Variants in PPARGC1A observed in about 807,000 individuals in gnomAD.
The protein encoded by PPARGC1A is peroxisome proliferator-activated receptor gamma coactivator 1-alpha.
PPARGC1A carries 25 observed loss-of-function variants against 88.7 expected under a neutral mutation model. The ratio of observed to expected loss-of-function variants is 0.28; its 90% CI spans 0.21 to 0.39. The LOEUF is 0.39. Among genes scored for constraint, PPARGC1A ranks in the 10% least tolerant of loss-of-function variants. PPARGC1A has a pLI of 1.00. For missense variants in PPARGC1A, 880 were observed against 968.7 expected (o/e 0.91, Z 1.22); for synonymous variants, 363 against 355.6 (o/e 1.02, Z -0.24).
At chr4:24,161,382 T>C in the PPARGC1A span, among the ~76,000 whole-genome samples, 3 of 152,194 alleles carry the variant, frequency 2.0e-5, no homozygotes, top group Non-Finnish European at 2.9e-5. Context: ...AGGTTTCCCA[T>C]GGAAGGAGCC....
the PPARGC1A span, among the ~76,000 whole-genome samples, chr4:24,217,986 G>A: frequency 3.3e-5 from 5 of 152,156 alleles, no homozygotes; most frequent in African/African-American, 1.2e-4. Flanking sequence ...TTTTAAAATT[G>A]TTAAAATAAA....
chr4:24,027,196 A>AGTGTGTGTGTGTGTGT, the PPARGC1A span, among the ~76,000 whole-genome samples: 7,414 of 131,604 alleles, frequency 0.056, 286 homozygotes, highest in Non-Finnish European at 0.082. Context: ...ACCTCAGGCT[A>AGTGTGTGTGTGTGTGT]GTGTGTGTGT....
At chr4:24,002,665 CACAA>C in the PPARGC1A span, among the ~76,000 whole-genome samples, 1 of 147,560 alleles carries the variant, frequency 6.8e-6, no homozygotes, top group African/African-American at 2.5e-5. Flanking sequence ...TCCACAAAAA[CACAA>C]ACAAAAAGAA....
the PPARGC1A span, among the ~76,000 whole-genome samples, chr4:23,971,716 C>A: frequency 3.3e-5 from 5 of 152,122 alleles, no homozygotes; most frequent in Non-Finnish European, 7.3e-5. Context: ...CCTTTCCCAG[C>A]GCACTGACTC....
intron 2 of PPARGC1A, among the ~76,000 whole-genome samples, chr4:23,867,274 C>A (rs149559793): frequency 6.6e-6 from 1 of 152,276 alleles, no homozygotes; most frequent in African/African-American, 2.4e-5. Flanking sequence ...ACTAGCCAAC[C>A]AACTCCTGAA....
the PPARGC1A span, among the ~76,000 whole-genome samples, chr4:24,178,407 A>C: frequency 6.6e-6 from 1 of 152,214 alleles, no homozygotes; most frequent in Non-Finnish European, 1.5e-5. Flanking sequence ...CTCAAATGAC[A>C]TCATAAACAT....
chr4:23,969,911 A>T, the PPARGC1A span, among the ~76,000 whole-genome samples: 1 of 152,140 alleles, frequency 6.6e-6, no homozygotes, highest in East Asian at 1.9e-4. Flanking sequence ...TTCTCCCGGG[A>T]TGGGGGAGGA....
chr4:24,186,427 C>T, the PPARGC1A span, among the ~76,000 whole-genome samples: 4 of 152,068 alleles, frequency 2.6e-5, no homozygotes, highest in Non-Finnish European at 5.9e-5. Flanking sequence ...TGGATCGGAC[C>T]ACCTGGGTTC....
the PPARGC1A span, among the ~76,000 whole-genome samples, chr4:24,176,078 C>A: frequency 6.6e-6 from 1 of 152,132 alleles, no homozygotes; most frequent in Non-Finnish European, 1.5e-5. Context: ...GCCTCTCTCC[C>A]AAAAAGAGCC....
the PPARGC1A span, chr4:24,258,285 A>ACACAAACTTACCCTCT: frequency 2.6e-6 from 2 of 771,348 alleles, no homozygotes; most frequent in Non-Finnish European, 3.1e-6. Flanking sequence ...GCAGAGGGTA[A>ACACAAACTTACCCTCT]GTTTGTGTTA....
upstream of PPARGC1A, chr4:23,904,177 C>T: frequency 3.1e-6 from 1 of 322,832 alleles, no homozygotes; most frequent in Non-Finnish European, 4.5e-6. Context: ...ATGAACTCCA[C>T]AATAGGGCAC....
chr4:24,073,812 C>A, the PPARGC1A span, among the ~76,000 whole-genome samples: 1 of 152,188 alleles, frequency 6.6e-6, no homozygotes, highest in Admixed American at 6.5e-5. Context: ...TAGCACTGCA[C>A]TGGCCTCTCC....
chr4:24,046,495 G>A, the PPARGC1A span, among the ~76,000 whole-genome samples: 1 of 152,046 alleles, frequency 6.6e-6, no homozygotes. Flanking sequence ...TGAATTTGGG[G>A]ACCCTTCCAT....
chr4:23,962,559 G>A, the PPARGC1A span, among the ~76,000 whole-genome samples: 1 of 152,206 alleles, frequency 6.6e-6, no homozygotes, highest in Non-Finnish European at 1.5e-5. Flanking sequence ...TCCAAACTGG[G>A]TGTTGGAAAC....
In PPARGC1A at chr4:23,813,782, A is replaced by G. The variant is rs766909844; in HGVS notation, c.1701T>C (p.Ser567=). 1.9e-6 allele frequency: 3 copies of G among 1,613,546 alleles called. No homozygotes were observed. The highest frequency in any genetic ancestry group is 2.2e-5 in the East Asian group (1 of 44,864). ...LFSQRPQRMR[S]RSRSFSRHRS... ...TGTGTCGAGAAAAGGACCTTGAACG[A>G]GAGCGCATCCTTTGGGGTCTTTGAG... The change falls in exon 8 of 13, where the codon TCT becomes TCC. Residue 567 remains serine, a synonymous_variant. Transcript: ENST00000264867.
chr4:23,820,318 C>G (rs1321081268), intron 7 of PPARGC1A: 1 of 152,338 alleles, frequency 6.6e-6, no homozygotes, highest in African/African-American at 2.4e-5. Flanking sequence ...ATATTTTTTG[C>G]TCTTCTCATT....
chr4:24,250,108 T>C, the PPARGC1A span, among the ~76,000 whole-genome samples: 1 of 152,154 alleles, frequency 6.6e-6, no homozygotes, highest in Non-Finnish European at 1.5e-5. Context: ...AGGAGACTGG[T>C]TGTCTCTAGA....
chr4:24,336,032 A>G, the PPARGC1A span, among the ~76,000 whole-genome samples: 1 of 152,008 alleles, frequency 6.6e-6, no homozygotes, highest in Non-Finnish European at 1.5e-5. Flanking sequence ...TTTCTCTTCT[A>G]TTTCTTCACT....
upstream of PPARGC1A, chr4:23,899,370 C>G (rs1476126254): frequency 2.6e-5 from 4 of 152,190 alleles, no homozygotes; most frequent in Admixed American, 2.6e-4. Flanking sequence ...CAGGAGTGAT[C>G]TCCTGCATTG....
Sources: gnomAD v4.1 joint callset for allele counts (sites outside exome capture counted in the v4.1 genomes callset) on GRCh38, gnomAD v4.1.1 for gene constraint, MANE v1.5 for transcripts, NCBI Gene and HGNC (gene_info 2026-07-23, HGNC 2026-07-21) for gene names.